The following UST variants were observed in gnomAD, a reference collection of about 807,000 sequenced individuals.
The protein encoded by UST is chondroitin sulfate 2-O-sulfotransferase.
UST carries 21 observed loss-of-function variants against 45.6 expected under a neutral mutation model. The ratio of observed to expected loss-of-function variants is 0.46; its 90% CI spans 0.33 to 0.66. UST has a LOEUF of 0.66. Ranked by LOEUF, UST falls within the 30% of genes least tolerant of loss-of-function variation. The pLI, the probability that UST is intolerant of heterozygous loss-of-function variation, is 0.02. For synonymous variants in UST, 215 were observed against 200.6 expected (o/e 1.07, Z -0.61); for missense variants, 463 against 512.4 (o/e 0.90, Z 0.93).
intron 2 of UST, among the ~76,000 whole-genome samples, chr6:148,929,568 A>G (rs1182564952): frequency 1.3e-5 from 2 of 152,228 alleles, no homozygotes; most frequent in African/African-American, 4.8e-5. Context: ...GAGATGGAAC[A>G]AAAGTATGGA....
At chr6:148,876,456 A>G (rs1195635002) in intron 1 of UST, among the ~76,000 whole-genome samples, 1 of 152,166 alleles carries the variant, frequency 6.6e-6, no homozygotes, top group African/African-American at 2.4e-5. Context: ...AAACATCAAG[A>G]AAATTAAGTG....
chr6:149,048,222 A>G (rs6909521), intron 7 of UST, among the ~76,000 whole-genome samples: 5,822 of 152,066 alleles, frequency 0.038, 363 homozygotes, highest in African/African-American at 0.13. Flanking sequence ...ACTAAGCATA[A>G]AAGCAGTAAA....
intron 1 of UST, among the ~76,000 whole-genome samples, chr6:148,772,588 A>T (rs776464200): frequency 6.6e-6 from 1 of 152,008 alleles, no homozygotes; most frequent in African/African-American, 2.4e-5. Flanking sequence ...ATGCCCGGCT[A>T]ATATTTGGCA....
intron 1 of UST, among the ~76,000 whole-genome samples, chr6:148,872,382 G>A (rs1031277876): frequency 6.6e-6 from 1 of 151,370 alleles, no homozygotes; most frequent in African/African-American, 2.5e-5. Context: ...TATTAGGGAA[G>A]ATATTAAATT....
At chr6:148,777,021 T>C (rs1367360369) in intron 1 of UST, among the ~76,000 whole-genome samples, 2 of 152,158 alleles carry the variant, frequency 1.3e-5, no homozygotes, top group African/African-American at 2.4e-5. Flanking sequence ...TAACAGGCAG[T>C]AAATTCAGGG....
intron 5 of UST, among the ~76,000 whole-genome samples, chr6:149,002,080 A>G (rs967183724): frequency 3.3e-5 from 5 of 152,296 alleles, no homozygotes; most frequent in Middle Eastern, 3.4e-3. Context: ...TAATGAAAGT[A>G]TCTTAAGCTC....
intron 7 of UST, among the ~76,000 whole-genome samples, chr6:149,035,481 A>G (rs763370605): frequency 5.9e-5 from 9 of 152,122 alleles, no homozygotes; most frequent in Non-Finnish European, 1.2e-4. Context: ...GCAGCCGGAC[A>G]TGGTGGCTCA....
chr6:148,946,682 C>T (rs112503228), intron 3 of UST, among the ~76,000 whole-genome samples: 9 of 149,184 alleles, frequency 6.0e-5, no homozygotes, highest in Admixed American at 2.0e-4. Context: ...GGCGTGGTGG[C>T]GGGTGCCTGT....
intron 1 of UST, among the ~76,000 whole-genome samples, chr6:148,871,322 G>A (rs1778555795): frequency 6.6e-6 from 1 of 152,114 alleles, no homozygotes; most frequent in Non-Finnish European, 1.5e-5. Context: ...AGGCCACCTA[G>A]TCGGTGGCAA....
At chr6:148,875,553 A>AGCATTTT (rs1344735110) in intron 1 of UST, among the ~76,000 whole-genome samples, 1 of 152,270 alleles carries the variant, frequency 6.6e-6, no homozygotes. Context: ...CTGTAATCCC[A>AGCATTTT]GCATTTTGGG....
chr6:148,985,387 A>AAACAAC (rs140686403), intron 5 of UST, among the ~76,000 whole-genome samples: 4,905 of 151,570 alleles, frequency 0.032, 218 homozygotes, highest in African/African-American at 0.1. Context: ...CTTTGAAGCA[A>AAACAAC]AACAACAACA....
chr6:148,787,509 C>A (rs921283368), intron 1 of UST, among the ~76,000 whole-genome samples: 9 of 151,866 alleles, frequency 5.9e-5, no homozygotes, highest in African/African-American at 1.9e-4. Flanking sequence ...AGGTGTGTGG[C>A]CTTATTTCTG....
At chr6:148,838,544 G>GTTGCTT (rs1339741699) in intron 1 of UST, among the ~76,000 whole-genome samples, 3 of 152,142 alleles carry the variant, frequency 2.0e-5, no homozygotes, top group African/African-American at 7.2e-5. Context: ...TGCTGTTGCT[G>GTTGCTT]TTGCTGCTGG....
intron 1 of UST, among the ~76,000 whole-genome samples, chr6:148,761,351 G>T (rs1482756689): frequency 6.6e-6 from 1 of 152,192 alleles, no homozygotes; most frequent in Admixed American, 6.5e-5. Context: ...GAAGCTTAGG[G>T]GAGAAGGAAC....
At chr6:148,777,875 G>A (rs146930288) in intron 1 of UST, among the ~76,000 whole-genome samples, 2 of 152,320 alleles carry the variant, frequency 1.3e-5, no homozygotes, top group African/African-American at 2.4e-5. Flanking sequence ...AGATACACAA[G>A]TACATACTAT....
At chr6:148,782,196 A>G (rs1776656249) in intron 1 of UST, among the ~76,000 whole-genome samples, 1 of 151,512 alleles carries the variant, frequency 6.6e-6, no homozygotes, top group Non-Finnish European at 1.5e-5. Context: ...GTACATTGAA[A>G]ATCCTCTGGT....
intron 7 of UST, among the ~76,000 whole-genome samples, chr6:149,026,411 G>T (rs1170827903): frequency 6.6e-6 from 1 of 152,056 alleles, no homozygotes; most frequent in Non-Finnish European, 1.5e-5. Context: ...GTAAGTAAGG[G>T]GCAAGACTCA....
At chr6:149,043,038 T>TTTCTTTCTTTCC (rs1562337869) in intron 7 of UST, among the ~76,000 whole-genome samples, 4 of 140,492 alleles carry the variant, frequency 2.8e-5, no homozygotes, top group African/African-American at 9.3e-5. Context: ...TCTTTCTTTC[T>TTTCTTTCTTTCC]TTCTTTCCTT....
At chr6:148,786,928 CTTA>C (rs557327514) in intron 1 of UST, among the ~76,000 whole-genome samples, 7 of 152,222 alleles carry the variant, frequency 4.6e-5, no homozygotes, top group African/African-American at 1.7e-4. Context: ...GAGATGGTAT[CTTA>C]TTGTGGTTTT....
Sources: allele counts gnomAD v4.1 joint callset (sites outside exome capture counted in the v4.1 genomes callset), GRCh38; gene constraint gnomAD v4.1.1; transcripts MANE v1.5; gene names NCBI Gene and HGNC (gene_info 2026-07-23, HGNC 2026-07-21).